The following ST6GALNAC3 variants were observed in gnomAD, a reference collection of about 807,000 sequenced individuals.
The protein encoded by ST6GALNAC3 is alpha-N-acetylgalactosaminide alpha-2,6-sialyltransferase 3.
A neutral mutation model predicts 32.7 loss-of-function variants in ST6GALNAC3; 25 were observed. The observed-to-expected ratio is 0.76, with a 90% confidence interval of 0.56 to 1.07. The LOEUF (loss-of-function observed/expected upper bound fraction) is 1.07, where lower values mean the gene tolerates loss of function less well. Among genes scored for constraint, ST6GALNAC3 ranks in the 50% least tolerant of loss-of-function variants. ST6GALNAC3 has a pLI of 0.00. For missense variants in ST6GALNAC3, 355 were observed against 382.4 expected, an observed-to-expected ratio of 0.93 and a Z score of 0.60; for synonymous variants, 129 against 133.1, an observed-to-expected ratio of 0.97 and a Z score of 0.21.
intron 3 of ST6GALNAC3, among the ~76,000 whole-genome samples, chr1:76,518,431 A>G (rs1662304815): frequency 6.6e-6 from 1 of 152,078 alleles, no homozygotes; most frequent in South Asian, 2.1e-4. Flanking sequence ...ATATTTAATC[A>G]TGTATAACCT....
chr1:76,181,212 C>A (rs950448309), intron 1 of ST6GALNAC3, among the ~76,000 whole-genome samples: 1 of 152,190 alleles, frequency 6.6e-6, no homozygotes, highest in Non-Finnish European at 1.5e-5. Flanking sequence ...CAGGGAACCC[C>A]CCTGTTTCAC....
intron 3 of ST6GALNAC3, among the ~76,000 whole-genome samples, chr1:76,579,067 T>C (rs1646854123): frequency 1.3e-5 from 2 of 152,060 alleles, no homozygotes; most frequent in African/African-American, 4.8e-5. Context: ...CTATTATATG[T>C]CTGGTAACTT....
intron 2 of ST6GALNAC3, among the ~76,000 whole-genome samples, chr1:76,373,872 G>C (rs1478623957): frequency 1.3e-5 from 2 of 152,126 alleles, no homozygotes; most frequent in Non-Finnish European, 2.9e-5. Flanking sequence ...AAGCATTCTA[G>C]AGACAGAAAA....
At chr1:76,431,259 C>T (rs183515537) in intron 3 of ST6GALNAC3, among the ~76,000 whole-genome samples, 3 of 152,294 alleles carry the variant, frequency 2.0e-5, no homozygotes, top group Admixed American at 2.0e-4. Flanking sequence ...AACTTTGCCA[C>T]TAACTAGTTA....
intron 1 of ST6GALNAC3, among the ~76,000 whole-genome samples, chr1:76,212,943 G>A (rs1408365210): frequency 2.0e-5 from 3 of 152,152 alleles, no homozygotes. Context: ...TACAAAGTCT[G>A]ACCCGTTCTG....
chr1:76,355,454 G>A (rs533598549), intron 2 of ST6GALNAC3, among the ~76,000 whole-genome samples: 5 of 152,092 alleles, frequency 3.3e-5, no homozygotes, highest in Non-Finnish European at 7.4e-5. Context: ...AAATCTGCTG[G>A]CTCATTTCCT....
At chr1:76,162,285 A>G (rs1651859428) in intron 1 of ST6GALNAC3, among the ~76,000 whole-genome samples, 1 of 152,240 alleles carries the variant, frequency 6.6e-6, no homozygotes, top group Non-Finnish European at 1.5e-5. Context: ...CAGGTACTCA[A>G]GAAATGTTTA....
chr1:76,211,379 G>A (rs943544303), intron 1 of ST6GALNAC3, among the ~76,000 whole-genome samples: 17 of 152,132 alleles, frequency 1.1e-4, no homozygotes, highest in Admixed American at 1.0e-3. Context: ...TCAGTGTGGC[G>A]ATTCCTCAGG....
At chr1:76,320,889 A>G (rs557231452) in intron 2 of ST6GALNAC3, among the ~76,000 whole-genome samples, 1 of 152,166 alleles carries the variant, frequency 6.6e-6, no homozygotes, top group East Asian at 1.9e-4. Context: ...TACATAGAAT[A>G]TATACAACAT....
rs146785673 is a variant in ST6GALNAC3, at chr1:76,380,033, A to C, written c.214-31975A>C. Among the ~76,000 whole-genome samples the C allele has an allele frequency of 3.7e-3, 557 of 152,304 alleles. 2 individuals are homozygous for C. Among genetic ancestry groups the C allele is most frequent in the Middle Eastern group, 6.8e-3 (2 of 294 alleles). ...TGGAAGAAGCAAATAAATAAAGAAA[A>C]ACATATGGCAGCTAAGTCATATCAA... On this transcript the variant is annotated intron_variant, in intron 2 of 4. Transcript: ENST00000328299.
intron 3 of ST6GALNAC3, among the ~76,000 whole-genome samples, chr1:76,423,536 T>C (rs927007423): frequency 2.0e-5 from 3 of 151,976 alleles, no homozygotes; most frequent in Non-Finnish European, 4.4e-5. Flanking sequence ...GGCAACCCTT[T>C]ACAGAAACAT....
intron 2 of ST6GALNAC3, among the ~76,000 whole-genome samples, chr1:76,326,535 A>T (rs1570834878): frequency 1.3e-5 from 2 of 151,774 alleles, no homozygotes; most frequent in African/African-American, 2.4e-5. Context: ...TATTAGAACA[A>T]TTGCCTTTTC....
chr1:76,314,974 C>T (rs151256726), intron 2 of ST6GALNAC3, among the ~76,000 whole-genome samples: 2,642 of 152,028 alleles, frequency 0.017, 45 homozygotes, highest in Non-Finnish European at 0.025. Context: ...TGGTCTACCC[C>T]CTTTTGTAGT....
At chr1:76,324,098 C>T (rs1041546091) in intron 2 of ST6GALNAC3, among the ~76,000 whole-genome samples, 55 of 152,240 alleles carry the variant, frequency 3.6e-4, no homozygotes, top group African/African-American at 5.8e-4. Context: ...GAGCCTGATC[C>T]GCCCGCCTTG....
chr1:76,626,535 C>T (rs1648979313), intron 3 of ST6GALNAC3, among the ~76,000 whole-genome samples: 1 of 151,908 alleles, frequency 6.6e-6, no homozygotes, highest in Non-Finnish European at 1.5e-5. Flanking sequence ...ACCACCTTCC[C>T]CTTCAGTTCC....
chr1:76,172,285 A>G lies in ST6GALNAC3; in HGVS notation c.18+97401A>G, dbSNP rs369088266. On this transcript the variant is annotated intron_variant, in intron 1 of 4. Coordinates refer to ENST00000328299, the MANE Select transcript of ST6GALNAC3 (RefSeq NM_152996.4). Reference sequence around the variant, plus strand: ...CAGAAAAGACCTTTGATAAAATTCAACATTCTTCATGTTAAAAACTCTCAA... The same window carrying G: ...CAGAAAAGACCTTTGATAAAATTCAGCATTCTTCATGTTAAAAACTCTCAA... 2.6e-5 allele frequency among the ~76,000 whole-genome samples: 4 copies of G among 152,336 alleles called. No homozygotes were observed. The South Asian group carries it at 6.2e-4, about 24-fold the overall frequency.
intron 1 of ST6GALNAC3, among the ~76,000 whole-genome samples, chr1:76,213,154 GTGT>G (rs1389811862): frequency 6.6e-6 from 1 of 152,194 alleles, no homozygotes. Context: ...TCACTCTCAA[GTGT>G]TGTTGGGTAG....
chr1:76,264,554 G>C (rs1316792136), intron 1 of ST6GALNAC3, among the ~76,000 whole-genome samples: 6 of 152,090 alleles, frequency 3.9e-5, no homozygotes, highest in Admixed American at 2.0e-4. Context: ...TACCTTGCAG[G>C]AATCGCTTAC....
chr1:76,584,700 A>G (rs943828340), intron 3 of ST6GALNAC3, among the ~76,000 whole-genome samples: 3 of 152,242 alleles, frequency 2.0e-5, no homozygotes, highest in South Asian at 2.1e-4. Context: ...CTGGCTCTCA[A>G]TGGAAACTGG....
Sources: gnomAD v4.1 joint callset for allele counts (sites outside exome capture counted in the v4.1 genomes callset) on GRCh38, gnomAD v4.1.1 for gene constraint, MANE v1.5 for transcripts, NCBI Gene and HGNC (gene_info 2026-07-23, HGNC 2026-07-21) for gene names.